FAF1: variants seen among roughly 807,000 people sequenced by gnomAD.
The protein encoded by FAF1 is FAS-associated factor 1.
In FAF1, 25 loss-of-function variants were observed where a neutral mutation model predicts 92.5. The ratio of observed to expected loss-of-function variants is 0.27; its 90% confidence interval spans 0.20 to 0.38. FAF1 has a LOEUF of 0.38. FAF1 is among the 10% of genes least tolerant of loss of function. The probability of loss-of-function intolerance (pLI) is 1.00; values close to 1 mark genes in which losing one functional copy is unlikely to be tolerated. For synonymous variants in FAF1, 234 were observed against 273.2 expected (o/e 0.86, Z 1.42); for missense variants, 636 against 793.3 (o/e 0.80, Z 2.38).
chr1:50,721,066 G>C (rs1034205927), intron 6 of FAF1, among the ~76,000 whole-genome samples: 2 of 152,008 alleles, frequency 1.3e-5, no homozygotes, highest in African/African-American at 4.8e-5. Flanking sequence ...AATGCAATTT[G>C]TACCCAGCCA....
At chr1:50,479,088 C>T (rs1646670917) in intron 17 of FAF1, among the ~76,000 whole-genome samples, 1 of 152,164 alleles carries the variant, frequency 6.6e-6, no homozygotes, top group Non-Finnish European at 1.5e-5. Context: ...TGATTAGAAA[C>T]ATAGGTTTTG....
chr1:50,668,416 T>C (rs1655724846), intron 7 of FAF1, among the ~76,000 whole-genome samples: 2 of 152,188 alleles, frequency 1.3e-5, no homozygotes, highest in Admixed American at 1.3e-4. Context: ...ACTTGCTACT[T>C]TGCAAGATCA....
Position 50,702,304 on chromosome 1 carries a change from G to C in FAF1, c.657+3482C>G, listed in dbSNP as rs796744579. The stretch of plus-strand genomic sequence containing the variant: ...GTATTAGTGAGAATTACTAGAATCT[G>C]CACAATAAACTGTTGACAAATCTGA... On this transcript the variant is annotated intron_variant, in intron 7 of 18. Transcript: ENST00000396153. 1.6e-3 allele frequency among the ~76,000 whole-genome samples: 242 copies of C among 152,084 alleles called. 1 individual carries two copies. The highest frequency in any genetic ancestry group is 5.7e-3 in the African/African-American group (237 of 41,526).
chr1:50,557,894 A>G (rs993694825), intron 13 of FAF1, among the ~76,000 whole-genome samples: 1 of 150,912 alleles, frequency 6.6e-6, no homozygotes, highest in African/African-American at 2.4e-5. Context: ...AAGATATTTC[A>G]CTTTATAAAT....
intron 7 of FAF1, among the ~76,000 whole-genome samples, chr1:50,688,011 T>G (rs1392854672): frequency 2.6e-5 from 4 of 151,988 alleles, no homozygotes; most frequent in Admixed American, 2.6e-4. Flanking sequence ...GGCAGGCACC[T>G]GTAATCCCAG....
intron 13 of FAF1, among the ~76,000 whole-genome samples, chr1:50,554,444 C>T (rs1372996809): frequency 7.2e-6 from 1 of 139,170 alleles, no homozygotes; most frequent in Non-Finnish European, 1.5e-5. Context: ...TATATAGTGT[C>T]TGGCACTATA....
chr1:50,740,006 C>A (rs1370327653), intron 5 of FAF1, among the ~76,000 whole-genome samples: 1 of 138,976 alleles, frequency 7.2e-6, no homozygotes, highest in Non-Finnish European at 1.5e-5. Flanking sequence ...ACCTTTACAT[C>A]ATAAGCCAGG....
At chr1:50,885,114 C>A (rs925619753) in intron 1 of FAF1, among the ~76,000 whole-genome samples, 1 of 152,104 alleles carries the variant, frequency 6.6e-6, no homozygotes, top group Non-Finnish European at 1.5e-5. Flanking sequence ...TCAGACATAA[C>A]GTGTCGTTTT....
At chr1:50,464,188 G>A (rs1274844688) in intron 18 of FAF1, among the ~76,000 whole-genome samples, 1 of 152,026 alleles carries the variant, frequency 6.6e-6, no homozygotes, top group Non-Finnish European at 1.5e-5. Flanking sequence ...ATTTTTTATA[G>A]AGATGGGGGT....
intron 7 of FAF1, among the ~76,000 whole-genome samples, chr1:50,691,684 G>A (rs1300323802): frequency 1.3e-5 from 2 of 152,000 alleles, no homozygotes; most frequent in African/African-American, 2.4e-5. Context: ...TCCACCTCCC[G>A]GGTTCAAGCA....
chr1:50,624,627 T>C (rs1003548450), intron 8 of FAF1, among the ~76,000 whole-genome samples: 4 of 152,126 alleles, frequency 2.6e-5, no homozygotes, highest in Non-Finnish European at 5.9e-5. Context: ...CTTCAACATA[T>C]GAAAAGGAAA....
intron 1 of FAF1, among the ~76,000 whole-genome samples, chr1:50,862,301 T>C (rs530017544): frequency 6.6e-6 from 1 of 151,946 alleles, no homozygotes; most frequent in South Asian, 2.1e-4. Flanking sequence ...CTATCAATCA[T>C]CATCTTAAAC....
At chr1:50,729,397 C>T (rs1039801633) in intron 6 of FAF1, among the ~76,000 whole-genome samples, 2 of 150,478 alleles carry the variant, frequency 1.3e-5, no homozygotes, top group Non-Finnish European at 3.0e-5. Context: ...GTGAAATGTA[C>T]CCGTATTTTT....
intron 13 of FAF1, among the ~76,000 whole-genome samples, chr1:50,559,023 G>C (rs1315504398): frequency 6.6e-6 from 1 of 152,162 alleles, no homozygotes; most frequent in Non-Finnish European, 1.5e-5. Context: ...GGCCAATGCA[G>C]GTGGATCACC....
intron 1 of FAF1, among the ~76,000 whole-genome samples, chr1:50,862,504 C>A (rs963695538): frequency 6.6e-6 from 1 of 151,666 alleles, no homozygotes; most frequent in African/African-American, 2.4e-5. Flanking sequence ...AATAAGATCT[C>A]GTATTTGTTA....
At chr1:50,607,035 G>C (rs1037544279) in intron 8 of FAF1, 1 of 152,068 alleles carries the variant, frequency 6.6e-6, no homozygotes, top group Non-Finnish European at 1.5e-5. Context: ...AAACTAAAAA[G>C]GTATCTCTGT....
At chr1:50,510,087 A>G (rs1020905613) in intron 15 of FAF1, among the ~76,000 whole-genome samples, 2 of 149,854 alleles carry the variant, frequency 1.3e-5, no homozygotes, top group African/African-American at 2.5e-5. Context: ...AATTGCTTGA[A>G]CCTGGGAGGC....
chr1:50,815,148 G>A (rs1282621505), intron 2 of FAF1, among the ~76,000 whole-genome samples: 1 of 152,086 alleles, frequency 6.6e-6, no homozygotes, highest in African/African-American at 2.4e-5. Flanking sequence ...TGGCTATATT[G>A]CATGATGCTG....
intron 1 of FAF1, among the ~76,000 whole-genome samples, chr1:50,911,801 G>A (rs1281403833): frequency 6.6e-6 from 1 of 152,108 alleles, no homozygotes; most frequent in Non-Finnish European, 1.5e-5. Context: ...GGGAGGCCAA[G>A]GTCGGTGGAT....
Sources: gnomAD v4.1 joint callset for allele counts (sites outside exome capture counted in the v4.1 genomes callset) on GRCh38, gnomAD v4.1.1 for gene constraint, MANE v1.5 for transcripts, NCBI Gene and HGNC (gene_info 2026-07-23, HGNC 2026-07-21) for gene names.